Variants in CACNA1B observed in about 807,000 individuals in gnomAD.
CACNA1B encodes the protein voltage-dependent N-type calcium channel subunit alpha-1B.
A neutral mutation model predicts 247.2 loss-of-function variants in CACNA1B; 70 were observed. The observed-to-expected ratio is 0.28, with a 90% CI of 0.23 to 0.35. The LOEUF is 0.35. Among genes scored for constraint, CACNA1B ranks in the 10% least tolerant of loss-of-function variants. The pLI, the probability that CACNA1B is intolerant of heterozygous loss-of-function variation, is 1.00. For missense variants in CACNA1B, 2,367 were observed against 3,197.4 expected, an observed-to-expected ratio of 0.74 and a Z score of 6.26; for synonymous variants, 1,231 against 1,294.4, an observed-to-expected ratio of 0.95 and a Z score of 1.05.
intron 6 of CACNA1B, among the ~76,000 whole-genome samples, chr9:137,937,973 A>G (rs1446933504): frequency 6.7e-6 from 1 of 149,540 alleles, no homozygotes; most frequent in African/African-American, 2.4e-5. Context: ...AAAAAAAAAA[A>G]AAAAAGACAA....
At chr9:137,900,940 C>T (rs1957231258) in intron 3 of CACNA1B, among the ~76,000 whole-genome samples, 2 of 136,136 alleles carry the variant, frequency 1.5e-5, no homozygotes, top group Admixed American at 1.5e-4. Context: ...GTGTCTCTGT[C>T]TGTGCCTTGT....
intron 31 of CACNA1B, among the ~76,000 whole-genome samples, chr9:138,064,544 C>T (rs975382557): frequency 5.3e-5 from 8 of 152,226 alleles, no homozygotes; most frequent in Non-Finnish European, 2.9e-5. Flanking sequence ...TCCTTGTTGG[C>T]GCTGCCCCTC....
chr9:138,105,469 C>T lies in CACNA1B; in HGVS notation c.5320-230C>T, dbSNP rs1005573999. 6.6e-5 allele frequency among the ~76,000 whole-genome samples: 10 copies of T among 152,344 alleles called. No individual in the cohort carries two copies. In the East Asian group the frequency reaches 1.9e-3, roughly 29 times the overall value. ...GCTCCAGTCTTTACCTGGAGTTCTA[C>T]TTTTCTGCAGCCAGGAGGGTCCTCA... On this transcript the variant is annotated intron_variant, in intron 38 of 46. Transcript: ENST00000371372.
At position 138,073,562 on chromosome 9, in the gene CACNA1B, C is replaced by T. The variant is rs775493516; in HGVS notation, c.4749C>T (p.Tyr1583=). 13 of 1,612,840 alleles carry T rather than the reference C, an allele frequency of 8.1e-6. No homozygotes were observed. Among genetic ancestry groups the T allele is most frequent in the Non-Finnish European group, 1.0e-5 (12 of 1,178,922 alleles). ...ARLIKLLRQG[Y]TIRILLWTFV... ...TGATCAAGCTGCTCCGCCAGGGCTA[C>T]ACCATCCGCATCCTGCTGTGGACCT... Residue 1583 remains tyrosine, a synonymous_variant, in exon 33 of 47, where the codon TAC becomes TAT. Transcript: ENST00000371372. This position sits in a 1 kb window ranked among gnomAD's most constrained non-coding sequence, Gnocchi z 6.4.
intron 6 of CACNA1B, among the ~76,000 whole-genome samples, chr9:137,930,458 T>C (rs980175068): frequency 1.3e-5 from 2 of 152,234 alleles, no homozygotes; most frequent in Non-Finnish European, 2.9e-5. Flanking sequence ...GAGAATACAC[T>C]AAACTGAAAG....
intron 3 of CACNA1B, among the ~76,000 whole-genome samples, chr9:137,906,541 C>G (rs6559254): frequency 0.99 from 150,105 of 152,216 alleles, 74,031 homozygotes; most frequent in Middle Eastern, 1. Context: ...TAACATACGT[C>G]TTTCTCTGCA....
At chr9:138,044,205 C>A (rs1299746008) in intron 21 of CACNA1B, among the ~76,000 whole-genome samples, 18 of 152,250 alleles carry the variant, frequency 1.2e-4, no homozygotes, top group Admixed American at 1.2e-3. Flanking sequence ...AACACACTTC[C>A]ATCCATCTGC....
rs185499364 is a variant in CACNA1B at position 137,914,985 on chromosome 9, A to T, written c.775+179A>T. ...TAAACACAAGTAAATAAACACAGAA[A>T]TATAATAATTATCGATTGTAGTAAC... On this transcript the variant is annotated intron_variant, in intron 5 of 46. Coordinates refer to ENST00000371372, the MANE Select transcript of CACNA1B (RefSeq NM_000718.4). The surrounding 1 kb of genome is among the most constrained non-coding windows in gnomAD (Gnocchi z 4.3). 1.0e-3 allele frequency among the ~76,000 whole-genome samples: 153 copies of T among 152,372 alleles called. 1 individual carries two copies. The highest frequency in any genetic ancestry group is 3.5e-3 in the African/African-American group (145 of 41,588).
rs1196952803 is a variant in CACNA1B at position 137,986,026 on chromosome 9, G to C, written c.1770-387G>C. On this transcript the variant is annotated intron_variant, in intron 13 of 46. Coordinates refer to ENST00000371372, the MANE Select transcript of CACNA1B (RefSeq NM_000718.4). The surrounding 1 kb of genome is among the most constrained non-coding windows in gnomAD (Gnocchi z 6.0). ...GCTGATGACAACAGTTGTGGGACTT[G>C]CTTCACATGGCACTGGTCTGAGACA... Among the ~76,000 whole-genome samples the C allele has an allele frequency of 6.6e-6, 1 of 152,224 alleles. No homozygotes were observed. Among genetic ancestry groups the C allele is most frequent in the Non-Finnish European group, 1.5e-5 (1 of 68,024 alleles).
chr9:137,913,655 T>G lies in CACNA1B; in HGVS notation c.622+384T>G. On this transcript the variant is annotated intron_variant, in intron 4 of 46. Transcript: ENST00000371372. The surrounding 1 kb of genome is among the most constrained non-coding windows in gnomAD (Gnocchi z 5.2). ...AAGCTGCAAAGGGCCACTTGTCTCTTGGCTCAGTCTTGTCAGGGCCACTGG... is the reference window on the plus strand; with the variant it reads ...AAGCTGCAAAGGGCCACTTGTCTCTGGGCTCAGTCTTGTCAGGGCCACTGG... Among the ~76,000 whole-genome samples the G allele has an allele frequency of 9.9e-6, 1 of 101,468 alleles. No individual in the cohort carries two copies. The highest frequency in any genetic ancestry group is 6.2e-4 in the East Asian group (1 of 1,604). The allele number at this position is 101,468 out of a possible 152,430, so 66.6% of individuals were successfully genotyped here. A position where few individuals can be genotyped will look rare whatever the true frequency, so the allele number is the denominator to read the frequency against.
At position 137,974,656 on chromosome 9, in the gene CACNA1B, G is replaced by A. The variant is rs1046142943; in HGVS notation, c.1544-1251G>A. ...AGGAGCATAGGGGTGGGAAGAGTGT[G>A]TGGCCCCCTCTTCCAGTGTCTGCTT... On this transcript the variant is annotated intron_variant, in intron 11 of 46. Transcript: ENST00000371372. The surrounding 1 kb of genome is among the most constrained non-coding windows in gnomAD (Gnocchi z 4.5). 4.6e-5 allele frequency among the ~76,000 whole-genome samples: 7 copies of A among 152,188 alleles called. No homozygotes were observed. Among genetic ancestry groups the A allele is most frequent in the African/African-American group, 1.4e-4 (6 of 41,440 alleles).
In CACNA1B at chr9:138,057,645, C is replaced by T; in HGVS notation, c.3969-87C>T. 4.5e-6 allele frequency: 6 copies of T among 1,334,704 alleles called. No homozygotes were observed. Among genetic ancestry groups the T allele is most frequent in the Non-Finnish European group, 6.2e-6 (6 of 967,140 alleles). 82.7% of individuals were successfully genotyped at this position (1,334,704 alleles called of 1,614,324 possible). On this transcript the variant is annotated intron_variant, in intron 26 of 46. Coordinates refer to ENST00000371372, the MANE Select transcript of CACNA1B (RefSeq NM_000718.4). This position sits in a 1 kb window ranked among gnomAD's most constrained non-coding sequence, Gnocchi z 4.0. ...GTCTGTTGGAGAGGCCATTCTTTCC[C>T]CACGGAATGGTTTCAACACTCTTGA...
rs952496781 is a variant in CACNA1B at position 138,020,818 on chromosome 9, C to T, written c.2268-2193C>T. On this transcript the variant is annotated intron_variant, in intron 18 of 46. Transcript: ENST00000371372. This position sits in a 1 kb window ranked among gnomAD's most constrained non-coding sequence, Gnocchi z 4.1. ...GTGTTTCCTGGGCGAGAAGGAGCCA[C>T]ACCTGAATGCAAGGGTGAGGGCAGA... Among the ~76,000 whole-genome samples, 12 of 152,248 alleles carry T rather than the reference C, an allele frequency of 7.9e-5. No individual in the cohort carries two copies. The highest frequency in any genetic ancestry group is 2.9e-4 in the African/African-American group (12 of 41,458).
chr9:138,066,548 C>T (rs1273024299), intron 31 of CACNA1B, among the ~76,000 whole-genome samples: 1 of 152,028 alleles, frequency 6.6e-6, no homozygotes, highest in African/African-American at 2.4e-5. Context: ...GCATTGGGAG[C>T]CAGTGTGGAC....
Position 138,078,149 on chromosome 9 carries a change from T to G in CACNA1B, c.4985T>G (p.Leu1662Arg), listed in dbSNP as rs1327554046. Reference sequence around the variant, plus strand: ...GGGGAGGCCTGGCACGAGATCATGCTGTCCTGCCTGAGCAACCAGGCCTGT... The same window carrying G: ...GGGGAGGCCTGGCACGAGATCATGCGGTCCTGCCTGAGCAACCAGGCCTGT... ...ATGEAWHEIMLSCLSNQACDE... is the reference protein window; with the variant it reads ...ATGEAWHEIMRSCLSNQACDE... The change falls in exon 36 of 47, where the codon CTG becomes CGG. Residue 1662 changes from leucine to arginine, a missense_variant. Coordinates refer to ENST00000371372, the MANE Select transcript of CACNA1B (RefSeq NM_000718.4). 6.2e-7 allele frequency: 1 copy of G among 1,613,992 alleles called. No homozygotes were observed. The highest frequency in any genetic ancestry group is 8.5e-7 in the Non-Finnish European group (1 of 1,179,872).
rs200771579 is a variant in CACNA1B, at chr9:138,046,952, G to A, written c.3462G>A (p.Val1154=). ...TCGTGACCATGAGGTACTTCGAGGT[G>A]GTCATTCTCGTGGTCATCGCCTTGA... ...HYIVTMRYFE[V]VILVVIALSS... Residue 1154 remains valine (V), a synonymous_variant, in exon 22 of 47, where the codon GTG becomes GTA. Coordinates refer to ENST00000371372, the MANE Select transcript of CACNA1B (RefSeq NM_000718.4). 34 of 1,613,334 alleles carry A rather than the reference G, an allele frequency of 2.1e-5. No homozygotes were observed. The South Asian group carries it at 3.4e-4, about 16-fold the overall frequency.
At chr9:137,949,070 G>GCGCT (rs1957836399) in intron 6 of CACNA1B, among the ~76,000 whole-genome samples, 3 of 81,992 alleles carry the variant, frequency 3.7e-5, no homozygotes, top group South Asian at 4.3e-4. Flanking sequence ...TATGTGTGTA[G>GCGCT]TGTGTGTGGT....
rs200119397 is a variant in CACNA1B at position 138,121,687 on chromosome 9, C to T, written c.6708C>T (p.Asn2236=). The T allele has an allele frequency of 3.7e-5, 60 of 1,613,148 alleles. 1 individual carries two copies. The highest frequency in any genetic ancestry group is 1.1e-4 in the East Asian group (5 of 44,870). ...TCAGCCGTGGGCTTTCCGAACACAA[C>T]GCCCTGCTGCAGAGAGACCCCCTCA... The part of the protein sequence containing the change: ...GRLSRGLSEH[N]ALLQRDPLSQ... Residue 2236 remains asparagine, a synonymous_variant, in exon 47 of 47, where the codon AAC becomes AAT. Transcript: ENST00000371372. This position sits in a 1 kb window ranked among gnomAD's most constrained non-coding sequence, Gnocchi z 6.8.
chr9:138,074,163 G>C (rs1960230347), intron 34 of CACNA1B, 97 bp downstream of exon 34: 1 of 887,908 alleles, frequency 1.1e-6, no homozygotes, highest in African/African-American at 1.6e-5. Flanking sequence ...GTCATAATCA[G>C]TTGATCCTTA....
Sources: gnomAD v4.1 joint callset for allele counts (sites outside exome capture counted in the v4.1 genomes callset) on GRCh38, gnomAD v4.1.1 for gene constraint, Gnocchi (gnomAD v3.1) non-coding constraint, MANE v1.5 for transcripts, NCBI Gene and HGNC (gene_info 2026-07-23, HGNC 2026-07-21) for gene names.